The following TEX35 variants were observed in gnomAD, a reference collection of about 807,000 sequenced individuals.
TEX35 encodes testis-expressed protein 35.
In TEX35, 26 loss-of-function variants were observed where a neutral mutation model predicts 31.9. That is an observed-to-expected ratio of 0.81 (90% confidence interval 0.60 to 1.13). The LOEUF (loss-of-function observed/expected upper bound fraction) is 1.13. Ranked by LOEUF, TEX35 falls within the 50% of genes most tolerant of loss-of-function variation. The pLI is 0.00. For synonymous variants in TEX35, 87 were observed against 90.7 expected (o/e 0.96, Z 0.23); for missense variants, 278 against 273.5 (o/e 1.02, Z -0.12).
rs540476459 is a variant in TEX35 at position 178,513,231 on chromosome 1, A to G, written c.39+4A>G. 6.2e-7 allele frequency: 1 copy of G among 1,614,220 alleles called. No individual in the cohort carries two copies. The highest frequency in any genetic ancestry group is 1.7e-5 in the Admixed American group (1 of 60,026). ...AGAATTGAAGAAAACACATCTGGTA[A>G]AAGAGAGACATTGCTGGACAGTGTG... On this transcript the variant is annotated splice_donor_region_variant and intron_variant, in intron 1 of 8. Coordinates refer to ENST00000319416, the MANE Select transcript of TEX35 (RefSeq NM_032126.5).
At position 178,514,756 on chromosome 1, in the gene TEX35, A is replaced by G; in HGVS notation, c.147A>G (p.Thr49=). ...QEGRFTKAGV[T]QDLKNELREV... ...GGCGGTTTACCAAAGCAGGAGTGAC[A>G]CAGGACCTAAAGGTGAGTGCGTGAA... The change falls in exon 3 of 9, where the codon ACA becomes ACG. Residue 49 remains threonine, a synonymous_variant. Transcript: ENST00000319416. The G allele has an allele frequency of 1.9e-6, 3 of 1,613,822 alleles. No individual in the cohort carries two copies. The highest frequency in any genetic ancestry group is 2.5e-6 in the Non-Finnish European group (3 of 1,179,842).
At chr1:178,517,906 T>G (rs1650137943) in intron 5 of TEX35, among the ~76,000 whole-genome samples, 1 of 152,172 alleles carries the variant, frequency 6.6e-6, no homozygotes, top group African/African-American at 2.4e-5. Flanking sequence ...AAGGACATAT[T>G]GATATATTTA....
intron 8 of TEX35, chr1:178,521,909 C>T (rs867079320): frequency 7.6e-7 from 1 of 1,314,896 alleles, no homozygotes; most frequent in Non-Finnish European, 1.0e-6. Flanking sequence ...TCCAACCCTT[C>T]CCCCTGCTTC....
At chr1:178,521,705 A>G (rs1457097138) in intron 8 of TEX35, 2 of 1,551,718 alleles carry the variant, frequency 1.3e-6, no homozygotes, top group East Asian at 2.4e-5. Flanking sequence ...GTTCCGATTC[A>G]TCACCTCCAA....
At chr1:178,520,263 C>T (rs991690082) in intron 5 of TEX35, 109 bp from the exon 6 acceptor site, 17 of 1,119,104 alleles carry the variant, frequency 1.5e-5, no homozygotes, top group African/African-American at 9.4e-5. Flanking sequence ...CCAAGTCTAG[C>T]GAGGATTCTT....
chr1:178,513,906 T>C, intron 1 of TEX35, 121 bp from the exon 2 acceptor site: 1 of 1,160,902 alleles, frequency 8.6e-7, no homozygotes, highest in Non-Finnish European at 1.2e-6. Flanking sequence ...TCAAGCCAGT[T>C]GGACAGGCAG....
chr1:178,523,120 A>C (rs1216768764), downstream of TEX35, among the ~76,000 whole-genome samples: 1 of 152,224 alleles, frequency 6.6e-6, no homozygotes, highest in Non-Finnish European at 1.5e-5. Flanking sequence ...CATTGTTGCA[A>C]ACGACAGGAG....
chr1:178,520,235 C>A, intron 5 of TEX35, 137 bp from the exon 6 acceptor site: 1 of 797,734 alleles, frequency 1.3e-6, no homozygotes, highest in East Asian at 2.6e-5. Flanking sequence ...GTCACGGACA[C>A]TCCAAAAGCC....
chr1:178,513,542 G>A (rs1649951746), intron 1 of TEX35, among the ~76,000 whole-genome samples: 1 of 152,250 alleles, frequency 6.6e-6, no homozygotes, highest in African/African-American at 2.4e-5. Context: ...TAACCAGCAG[G>A]GCTAAGGCTC....
chr1:178,515,607 A>G (rs1267961652), intron 3 of TEX35, among the ~76,000 whole-genome samples: 1 of 150,980 alleles, frequency 6.6e-6, no homozygotes, highest in Non-Finnish European at 1.5e-5. Flanking sequence ...GGGTCTCGCT[A>G]TGTTGCCCAG....
chr1:178,513,304 A>T, intron 1 of TEX35, 77 bp downstream of exon 1: 1 of 1,554,450 alleles, frequency 6.4e-7, no homozygotes, highest in Non-Finnish European at 8.8e-7. Context: ...GGGGCAAGGG[A>T]TACAGAGAAT....
chr1:178,522,160 C>G, intron 8 of TEX35, 165 bp from the exon 9 acceptor site: 1 of 951,684 alleles, frequency 1.1e-6, no homozygotes, highest in Non-Finnish European at 1.5e-6. Flanking sequence ...ATGCAGGGAA[C>G]CCCTCAGCCT....
intron 3 of TEX35, among the ~76,000 whole-genome samples, chr1:178,514,986 A>G (rs936127234): frequency 4.6e-5 from 7 of 152,238 alleles, no homozygotes; most frequent in Admixed American, 1.3e-4. Context: ...TAACAACAGA[A>G]AGGGGACGTT....
chr1:178,516,696 T>C, intron 5 of TEX35, 22 bp downstream of exon 5: 4 of 1,574,170 alleles, frequency 2.5e-6, no homozygotes, highest in Non-Finnish European at 3.5e-6. Context: ...TTGAGTGCCT[T>C]CCATGGGCCA....
chr1:178,514,819 A>G, intron 3 of TEX35, 51 bp downstream of exon 3: 1 of 1,517,180 alleles, frequency 6.6e-7, no homozygotes, highest in Admixed American at 1.8e-5. Context: ...ACGTGAGTGT[A>G]AGTTTTCCCC....
chr1:178,520,918 T>A, intron 7 of TEX35, 44 bp downstream of exon 7: 1 of 1,608,414 alleles, frequency 6.2e-7, no homozygotes, highest in Non-Finnish European at 8.5e-7. Context: ...GCCAGACCCC[T>A]GGCTCCGGCT....
intron 8 of TEX35, 182 bp from the exon 9 acceptor site, chr1:178,522,143 T>C: frequency 1.2e-6 from 1 of 848,338 alleles, no homozygotes; most frequent in Non-Finnish European, 1.8e-6. Context: ...CCAGGGTGTC[T>C]TGGGTGATGC....
chr1:178,520,793 T>A lies in TEX35; in HGVS notation c.462T>A (p.Cys154Ter). ...CCAGTGGAGTCAATGGAGCACCCTG[T>A]GCTCTTCACAAGAAGACGATGGCAC... Reference protein sequence around the residue: ...DGASGVNGAPCALHKKTMAPQ... With the variant: ...DGASGVNGAP Residue 154 changes from cysteine to a stop codon, truncating the protein, a stop_gained, in exon 7 of 9, where the codon TGT (cysteine) becomes TGA (stop). Coordinates refer to ENST00000319416, the MANE Select transcript of TEX35 (RefSeq NM_032126.5). LOFTEE classifies it high-confidence loss of function. 6.2e-7 allele frequency: 1 copy of A among 1,614,122 alleles called. No individual in the cohort carries two copies. Among genetic ancestry groups the A allele is most frequent in the Non-Finnish European group, 8.5e-7 (1 of 1,180,022 alleles).
intron 8 of TEX35, chr1:178,522,031 C>T (rs1650304994): frequency 1.5e-6 from 1 of 673,408 alleles, no homozygotes; most frequent in Non-Finnish European, 2.4e-6. Flanking sequence ...ATGGGGAGGG[C>T]CCCTGATGAT....
Sources: gnomAD v4.1 joint callset for allele counts (sites outside exome capture counted in the v4.1 genomes callset) on GRCh38, gnomAD v4.1.1 for gene constraint, MANE v1.5 for transcripts, NCBI Gene and HGNC (gene_info 2026-07-23, HGNC 2026-07-21) for gene names.